Variants in DOP1A observed in about 807,000 individuals in gnomAD.
The protein encoded by DOP1A is DOP1 leucine zipper like protein A, also known as protein DOP1A.
Under a neutral mutation model 267.6 loss-of-function variants are expected in DOP1A, and 90 were observed. That is an observed-to-expected ratio of 0.34 (90% CI 0.28 to 0.40). DOP1A has a LOEUF of 0.40. Ranked by LOEUF, DOP1A falls within the 10% of genes least tolerant of loss-of-function variation. The probability of loss-of-function intolerance (pLI) is 1.00; values close to 1 mark genes in which losing one functional copy is unlikely to be tolerated. For missense variants in DOP1A, 2,437 were observed against 2,900.4 expected, an observed-to-expected ratio of 0.84 and a Z score of 3.67; for synonymous variants, 932 against 999.1, an observed-to-expected ratio of 0.93 and a Z score of 1.27.
intron 35 of DOP1A, among the ~76,000 whole-genome samples, chr6:83,157,561 T>G (rs2128384019): frequency 6.6e-6 from 1 of 152,328 alleles, no homozygotes. Context: ...CTTTCTTGGA[T>G]CTGGTTTAGT....
intron 4 of DOP1A, among the ~76,000 whole-genome samples, chr6:83,104,326 A>G (rs72903866): frequency 0.022 from 3,323 of 152,218 alleles, 42 homozygotes; most frequent in African/African-American, 0.037. Flanking sequence ...TAAAGAGAGT[A>G]GGGGCAAGTA....
At chr6:83,140,870 T>C (rs1380764599) in intron 23 of DOP1A, among the ~76,000 whole-genome samples, 1 of 142,302 alleles carries the variant, frequency 7.0e-6, no homozygotes, top group Non-Finnish European at 1.6e-5. Flanking sequence ...ACTTTATTCC[T>C]TTTTTTTTTA....
intron 1 of DOP1A, among the ~76,000 whole-genome samples, chr6:83,086,675 GC>G (rs1769307760): frequency 6.6e-6 from 1 of 152,166 alleles, no homozygotes; most frequent in East Asian, 1.9e-4. Context: ...AAAATGAGGG[GC>G]TACAGAAGTG....
At chr6:83,158,475 T>C (rs374689876) in intron 35 of DOP1A, 92 bp from the exon 36 acceptor site, 42 of 970,034 alleles carry the variant, frequency 4.3e-5, no homozygotes, top group South Asian at 3.4e-4. Context: ...TTCTAAAATT[T>C]GTTTTTGCGT....
intron 31 of DOP1A, 82 bp downstream of exon 31, chr6:83,153,702 G>C (rs1387529436): frequency 1.3e-5 from 16 of 1,259,868 alleles, no homozygotes; most frequent in Non-Finnish European, 1.7e-5. Context: ...GCCATTTCTA[G>C]AATTATCATA....
chr6:83,079,085 C>T (rs551307527), intron 1 of DOP1A, among the ~76,000 whole-genome samples: 43 of 152,124 alleles, frequency 2.8e-4, no homozygotes, highest in Admixed American at 2.0e-3. Context: ...AGGGAGTTAA[C>T]CCTTGTGCAA....
chr6:83,145,773 C>G (rs1046713339), intron 25 of DOP1A, 115 bp downstream of exon 25: 2 of 931,306 alleles, frequency 2.1e-6, no homozygotes, highest in Non-Finnish European at 1.6e-6. Flanking sequence ...GCAGAGATGA[C>G]TGCATGTGGC....
intron 1 of DOP1A, among the ~76,000 whole-genome samples, chr6:83,093,434 C>T (rs535147999): frequency 6.6e-6 from 1 of 152,216 alleles, no homozygotes; most frequent in South Asian, 2.1e-4. Context: ...TTTTTCAGTA[C>T]AAACAGATTT....
chr6:83,104,703 C>A (rs1773261262), intron 4 of DOP1A, among the ~76,000 whole-genome samples: 1 of 151,980 alleles, frequency 6.6e-6, no homozygotes, highest in South Asian at 2.1e-4. Context: ...TTTTTTCTCT[C>A]AAAATTTGCC....
intron 4 of DOP1A, among the ~76,000 whole-genome samples, chr6:83,103,031 G>A (rs1772874182): frequency 6.6e-6 from 1 of 152,062 alleles, no homozygotes; most frequent in South Asian, 2.1e-4. Context: ...ATCTGAAATG[G>A]CCCTTCTTCC....
At position 83,120,832 on chromosome 6, in the gene DOP1A, C is replaced by A. The variant is rs761356863; in HGVS notation, c.1099+41C>A. The A allele has an allele frequency of 5.2e-6, 7 of 1,343,868 alleles. No homozygotes were observed. The African/African-American group carries it at 7.3e-5, about 14-fold the overall frequency. The allele number at this position is 1,343,868 out of a possible 1,614,324, so 83.2% of individuals were successfully genotyped here. Reference sequence around the variant, plus strand: ...CTAGGGCATAAGGTCATGTGTGGTACTTTTGTGTTAATAAGAAAATAAAAA... The same window carrying A: ...CTAGGGCATAAGGTCATGTGTGGTAATTTTGTGTTAATAAGAAAATAAAAA... On this transcript the variant is annotated intron_variant, in intron 10 of 38. Transcript: ENST00000349129.
At chr6:83,076,686 T>G (rs1767150855) in intron 1 of DOP1A, among the ~76,000 whole-genome samples, 1 of 152,176 alleles carries the variant, frequency 6.6e-6, no homozygotes, top group South Asian at 2.1e-4. Context: ...GTAAAATGGT[T>G]CAGCCCCTGT....
chr6:83,107,088 C>A (rs188419387), intron 4 of DOP1A, among the ~76,000 whole-genome samples: 43 of 151,610 alleles, frequency 2.8e-4, no homozygotes, highest in African/African-American at 9.9e-4. Flanking sequence ...TATATTTTAA[C>A]AGTTGATAGA....
intron 7 of DOP1A, among the ~76,000 whole-genome samples, chr6:83,117,863 C>T (rs1232992174): frequency 1.3e-5 from 2 of 152,138 alleles, no homozygotes; most frequent in African/African-American, 2.4e-5. Flanking sequence ...GAACCTAATT[C>T]GTCAATTGTT....
intron 20 of DOP1A, among the ~76,000 whole-genome samples, 153 bp from the exon 21 acceptor site, chr6:83,137,020 T>C (rs1778965449): frequency 6.6e-6 from 1 of 152,102 alleles, no homozygotes; most frequent in Non-Finnish European, 1.5e-5. Flanking sequence ...AAACAAAACT[T>C]TCACCTGCAA....
intron 38 of DOP1A, chr6:83,166,780 T>G: frequency 9.4e-7 from 1 of 1,067,568 alleles, no homozygotes; most frequent in Non-Finnish European, 1.1e-6. Context: ...CTTGACCCAC[T>G]AGGAAACTAG....
chr6:83,132,126 A>T (rs1416674426), intron 17 of DOP1A, 50 bp from the exon 18 acceptor site: 1 of 1,572,252 alleles, frequency 6.4e-7, no homozygotes. Flanking sequence ...AATATTTGTT[A>T]AATTTTCATG....
At position 83,118,873 on chromosome 6, in the gene DOP1A, TC is replaced by T; in HGVS notation, c.781-13del. On this transcript the variant is annotated splice_polypyrimidine_tract_variant and intron_variant, in intron 7 of 38. Coordinates refer to ENST00000349129, the MANE Select transcript of DOP1A (RefSeq NM_015018.4). ...TGTATATTGCTAAGTACAACCATAT[TC>T]CTAACTCTTTCAGGCCACTCGACCG... 6.2e-7 allele frequency: 1 copy of T among 1,611,854 alleles called. No individual in the cohort carries two copies. Among genetic ancestry groups the T allele is most frequent in the South Asian group, 1.1e-5 (1 of 91,020 alleles).
At chr6:83,103,958 A>G (rs1773083011) in intron 4 of DOP1A, among the ~76,000 whole-genome samples, 1 of 152,118 alleles carries the variant, frequency 6.6e-6, no homozygotes, top group South Asian at 2.1e-4. Flanking sequence ...TTAACTTTTA[A>G]AACTTTCTAA....
Sources: allele counts gnomAD v4.1 joint callset (sites outside exome capture counted in the v4.1 genomes callset), GRCh38; gene constraint gnomAD v4.1.1; transcripts MANE v1.5; gene names NCBI Gene and HGNC (gene_info 2026-07-23, HGNC 2026-07-21).